RIGI: variants seen among roughly 807,000 people sequenced by gnomAD.
RIGI encodes the protein antiviral innate immune response receptor RIG-I.
chr9:32,479,205 T>G, the RIGI span, among the ~76,000 whole-genome samples: 6 of 152,244 alleles, frequency 3.9e-5, no homozygotes, highest in African/African-American at 1.4e-4. Context: ...CAATTGGCTA[T>G]GTGGAATTTA....
chr9:32,470,131 A>G, the RIGI span, among the ~76,000 whole-genome samples: 106 of 152,374 alleles, frequency 7.0e-4, 1 homozygote, highest in African/African-American at 2.5e-3. Flanking sequence ...TTTTAAAGAT[A>G]CATACTTTCT....
chr9:32,495,681 ATGGAGTCTCGCTCTGTCACCCAGGC>A, the RIGI span, among the ~76,000 whole-genome samples: 1 of 105,372 alleles, frequency 9.5e-6, no homozygotes, highest in Non-Finnish European at 1.8e-5. Flanking sequence ...TTTTTTTGAG[ATGGAGTCTCGCTCTGTCACCCAGGC>A]TGGAGTGCAG....
chr9:32,461,711 G>A, the RIGI span, among the ~76,000 whole-genome samples: 1 of 151,982 alleles, frequency 6.6e-6, no homozygotes, highest in Non-Finnish European at 1.5e-5. Flanking sequence ...ATGTTAATGG[G>A]GTGGCTTGTA....
At chr9:32,496,988 G>A in the RIGI span, among the ~76,000 whole-genome samples, 4 of 152,032 alleles carry the variant, frequency 2.6e-5, no homozygotes, top group African/African-American at 9.7e-5. Context: ...GAGAGGTGAG[G>A]CCTCCTGGTT....
chr9:32,465,499 T>C, the RIGI span, among the ~76,000 whole-genome samples: 1 of 152,210 alleles, frequency 6.6e-6, no homozygotes, highest in African/African-American at 2.4e-5. Context: ...TGGGCACGTA[T>C]TTTATGCCAG....
the RIGI span, among the ~76,000 whole-genome samples, chr9:32,510,544 A>G: frequency 6.6e-6 from 1 of 152,192 alleles, no homozygotes; most frequent in Non-Finnish European, 1.5e-5. Context: ...ATGCTGAGAG[A>G]TTTTGTCACC....
chr9:32,517,134 AGTT>A, the RIGI span, among the ~76,000 whole-genome samples: 1 of 152,168 alleles, frequency 6.6e-6, no homozygotes, highest in Non-Finnish European at 1.5e-5. Context: ...CCTGGTGAGT[AGTT>A]TCCACATGAC....
the RIGI span, among the ~76,000 whole-genome samples, chr9:32,483,633 T>C: frequency 1.3e-5 from 2 of 152,054 alleles, no homozygotes; most frequent in East Asian, 3.9e-4. Context: ...TACCCAGTGG[T>C]TAGAGGGAGT....
chr9:32,492,388 T>C, the RIGI span: 1 of 1,614,106 alleles, frequency 6.2e-7, no homozygotes, highest in Non-Finnish European at 8.5e-7. Context: ...TACAGTGTCT[T>C]ACCTTTCTCT....
the RIGI span, among the ~76,000 whole-genome samples, chr9:32,493,572 G>A: frequency 6.6e-6 from 1 of 151,178 alleles, no homozygotes; most frequent in Non-Finnish European, 1.5e-5. Flanking sequence ...GCAATGAGCC[G>A]AGATCACACC....
the RIGI span, among the ~76,000 whole-genome samples, chr9:32,514,624 A>G: frequency 6.6e-6 from 1 of 152,154 alleles, no homozygotes; most frequent in African/African-American, 2.4e-5. Flanking sequence ...TACCTAATGG[A>G]GATGATGGTT....
At chr9:32,521,588 T>A in the RIGI span, among the ~76,000 whole-genome samples, 5 of 152,222 alleles carry the variant, frequency 3.3e-5, no homozygotes, top group Non-Finnish European at 5.9e-5. Flanking sequence ...GGGTTTTTTT[T>A]AACCTCAAAC....
At chr9:32,466,247 T>C in the RIGI span, 1 of 1,600,576 alleles carries the variant, frequency 6.2e-7, no homozygotes, top group Non-Finnish European at 8.5e-7. Flanking sequence ...CATTCCCTGA[T>C]AGTTATTTAT....
At chr9:32,510,674 A>G in the RIGI span, among the ~76,000 whole-genome samples, 1 of 152,228 alleles carries the variant, frequency 6.6e-6, no homozygotes, top group Non-Finnish European at 1.5e-5. Context: ...AAGAAACTGC[A>G]TCAACTAACA....
At chr9:32,488,621 A>T in the RIGI span, 11,945 of 1,154,328 alleles carry the variant, frequency 0.01, 852 homozygotes, top group African/African-American at 0.16. Context: ...CTGGATTATA[A>T]AAAAGCTGAA....
the RIGI span, among the ~76,000 whole-genome samples, chr9:32,479,868 G>T: frequency 4.6e-5 from 7 of 151,054 alleles, no homozygotes; most frequent in Non-Finnish European, 8.8e-5. Flanking sequence ...ATAAATTATG[G>T]TTTTTTTAAT....
chr9:32,498,108 A>G, the RIGI span, among the ~76,000 whole-genome samples: 761 of 152,272 alleles, frequency 5.0e-3, 5 homozygotes, highest in African/African-American at 0.017. Context: ...AGCAGTTTCA[A>G]CACACCAACC....
the RIGI span, among the ~76,000 whole-genome samples, chr9:32,520,661 TA>T: frequency 2.0e-5 from 3 of 152,188 alleles, no homozygotes; most frequent in East Asian, 5.8e-4. Flanking sequence ...GTTATAAAAT[TA>T]GTTCAGGGTT....
the RIGI span, chr9:32,459,488 T>C: frequency 6.2e-7 from 1 of 1,612,174 alleles, no homozygotes. Context: ...CTCTGATGAA[T>C]TTTTCATGAG....
Sources: gnomAD v4.1 joint callset for allele counts (sites outside exome capture counted in the v4.1 genomes callset) on GRCh38, gnomAD v4.1.1 for gene constraint, MANE v1.5 for transcripts, NCBI Gene and HGNC (gene_info 2026-07-23, HGNC 2026-07-21) for gene names.